The following PDE4D variants were observed in gnomAD, a reference collection of about 807,000 sequenced individuals.
PDE4D encodes the protein 3',5'-cyclic-AMP phosphodiesterase 4D.
In PDE4D, 24 loss-of-function variants were observed where a neutral mutation model predicts 87.4. The ratio of observed to expected loss-of-function variants is 0.27; its 90% CI spans 0.20 to 0.39. The LOEUF (loss-of-function observed/expected upper bound fraction) is 0.39, where lower values mean the gene tolerates loss of function less well. Ranked by LOEUF, PDE4D falls within the 10% of genes least tolerant of loss-of-function variation. The probability of loss-of-function intolerance (pLI) is 1.00; values close to 1 mark genes in which losing one functional copy is unlikely to be tolerated. For missense variants in PDE4D, 714 were observed against 1,041.0 expected (o/e 0.69, Z 4.32); for synonymous variants, 384 against 383.2 (o/e 1.00, Z -0.02).
At chr5:59,225,848 G>C (rs1307276786) in intron 1 of PDE4D, among the ~76,000 whole-genome samples, 1 of 149,408 alleles carries the variant, frequency 6.7e-6, no homozygotes, top group African/African-American at 2.5e-5. Flanking sequence ...AAAACCCAAT[G>C]AAAGAAATGG....
Position 60,314,544 on chromosome 5 carries a change from G to T in PDE4D, c.-89-128857C>A, listed in dbSNP as rs536222253. ...GTACATGTGCACAACATGCAGGTTG[G>T]TTACATGTGTATACATGTGCCATGT... On this transcript the variant is annotated intron_variant, in intron 1 of 16. Transcript: ENST00000502484. Among the ~76,000 whole-genome samples the T allele has an allele frequency of 4.6e-5, 7 of 152,018 alleles. No homozygotes were observed. In the South Asian group the frequency reaches 1.5e-3, roughly 32 times the overall value.
chr5:60,103,039 G>C (rs1776401588), intron 2 of PDE4D, among the ~76,000 whole-genome samples: 1 of 151,310 alleles, frequency 6.6e-6, no homozygotes, highest in African/African-American at 2.4e-5. Flanking sequence ...AGGAAGTTAA[G>C]GAGTTTGTGT....
chr5:59,643,916 C>T (rs1011588219), intron 1 of PDE4D, among the ~76,000 whole-genome samples: 1 of 152,196 alleles, frequency 6.6e-6, no homozygotes, highest in Non-Finnish European at 1.5e-5. Context: ...TCTGCCCCCT[C>T]CCTCAATATC....
At chr5:60,235,322 CAGA>C (rs1252250768) in intron 1 of PDE4D, among the ~76,000 whole-genome samples, 3 of 151,720 alleles carry the variant, frequency 2.0e-5, no homozygotes, top group Admixed American at 6.6e-5. Context: ...TTATGAAATC[CAGA>C]AGAAGTGTGT....
chr5:59,927,365 T>C (rs1429767726), intron 3 of PDE4D, among the ~76,000 whole-genome samples: 1 of 152,246 alleles, frequency 6.6e-6, no homozygotes, highest in Non-Finnish European at 1.5e-5. Context: ...ATAGTGTGAA[T>C]GTGACGAATA....
chr5:59,108,342 A>G (rs35859105), intron 5 of PDE4D, among the ~76,000 whole-genome samples: 6,774 of 152,240 alleles, frequency 0.044, 320 homozygotes, highest in East Asian at 0.13. Context: ...TTACAAATAA[A>G]AACTATTATA....
rs1040651283 is a variant in PDE4D, at chr5:58,972,995, A to C, written c.*1669T>G. 6.6e-6 allele frequency: 1 copy of C among 152,172 alleles called. No individual in the cohort carries two copies. Among genetic ancestry groups the C allele is most frequent in the Admixed American group, 6.5e-5 (1 of 15,270 alleles). 9.4% of individuals were successfully genotyped at this position (152,172 alleles called of 1,614,324 possible). A position where few individuals can be genotyped will look rare whatever the true frequency, so the allele number is the denominator to read the frequency against. On this transcript the variant is annotated 3_prime_UTR_variant, in exon 15 of 15. Coordinates refer to ENST00000340635, the MANE Select transcript of PDE4D (RefSeq NM_001104631.2). ...TCCCCTCTGCAAGATATGCTTATGG[A>C]TCGAGGATAAGTGATAAAGGACTTC...
intron 1 of PDE4D, among the ~76,000 whole-genome samples, chr5:59,642,513 G>A (rs944041665): frequency 6.6e-5 from 10 of 152,068 alleles, no homozygotes; most frequent in East Asian, 1.9e-4. Flanking sequence ...TACTATTCTC[G>A]TGGTGGTGAA....
chr5:59,180,774 C>A, intron 4 of PDE4D, 130 bp from the exon 5 acceptor site: 1 of 863,982 alleles, frequency 1.2e-6, no homozygotes, highest in South Asian at 1.6e-5. Context: ...CAAATGATTT[C>A]TTTCAGACTA....
chr5:59,417,211 T>C (rs1793758392), intron 1 of PDE4D, among the ~76,000 whole-genome samples: 1 of 152,132 alleles, frequency 6.6e-6, no homozygotes, highest in African/African-American at 2.4e-5. Context: ...TATATCATAT[T>C]AAAATGTACA....
chr5:59,836,167 T>G (rs899608881), intron 1 of PDE4D, among the ~76,000 whole-genome samples: 4 of 152,032 alleles, frequency 2.6e-5, no homozygotes, highest in Non-Finnish European at 2.9e-5. Flanking sequence ...ATTGTCATCA[T>G]CATCACCATC....
intron 1 of PDE4D, among the ~76,000 whole-genome samples, chr5:59,691,295 C>T (rs1274323852): frequency 6.6e-6 from 1 of 152,086 alleles, no homozygotes; most frequent in Admixed American, 6.6e-5. Context: ...GCACTATTCA[C>T]AATAGCAAAG....
At chr5:59,379,905 G>A (rs2153602181) in intron 1 of PDE4D, among the ~76,000 whole-genome samples, 1 of 152,222 alleles carries the variant, frequency 6.6e-6, no homozygotes, top group East Asian at 1.9e-4. Flanking sequence ...GTGATGCTGA[G>A]GTTTGGGGCA....
At chr5:60,188,483 A>G (rs150669100) in intron 1 of PDE4D, 3 of 152,008 alleles carry the variant, frequency 2.0e-5, no homozygotes, top group African/African-American at 7.3e-5. Context: ...GTCTCCTCCT[A>G]GGACTCCCCA....
At chr5:59,806,013 C>T (rs1449305937) in intron 1 of PDE4D, among the ~76,000 whole-genome samples, 1 of 152,236 alleles carries the variant, frequency 6.6e-6, no homozygotes, top group Non-Finnish European at 1.5e-5. Flanking sequence ...CTCCCTACTA[C>T]CCCTCTTATC....
chr5:60,328,555 T>C (rs1757016518), intron 1 of PDE4D, among the ~76,000 whole-genome samples: 1 of 152,258 alleles, frequency 6.6e-6, no homozygotes, highest in South Asian at 2.1e-4. Context: ...AGTTTAGGTA[T>C]GCATTCTTCT....
intron 2 of PDE4D, among the ~76,000 whole-genome samples, chr5:60,047,652 T>C (rs1357860242): frequency 2.6e-5 from 4 of 152,268 alleles, no homozygotes; most frequent in South Asian, 2.1e-4. Flanking sequence ...GAGCAGGTTG[T>C]TCAGTTTCCA....
At chr5:59,031,971 A>T (rs1394014000) in intron 6 of PDE4D, among the ~76,000 whole-genome samples, 1 of 151,840 alleles carries the variant, frequency 6.6e-6, no homozygotes, top group Non-Finnish European at 1.5e-5. Context: ...ATGTCGATCA[A>T]ACAGTACAAA....
intron 2 of PDE4D, among the ~76,000 whole-genome samples, chr5:59,994,144 T>C (rs796989322): frequency 3.7e-4 from 57 of 152,074 alleles, no homozygotes; most frequent in African/African-American, 1.2e-3. Context: ...AATAAACTAC[T>C]TAATGGCCTT....
Sources: allele counts gnomAD v4.1 joint callset (sites outside exome capture counted in the v4.1 genomes callset), GRCh38; gene constraint gnomAD v4.1.1; transcripts MANE v1.5; gene names NCBI Gene and HGNC (gene_info 2026-07-23, HGNC 2026-07-21).